DNAJC6: variants seen among roughly 807,000 people sequenced by gnomAD.
DNAJC6 encodes the protein auxilin.
A neutral mutation model predicts 110.0 loss-of-function variants in DNAJC6; 34 were observed. That is an observed-to-expected ratio of 0.31 (90% CI 0.24 to 0.41). The LOEUF is 0.41. DNAJC6 is among the 10% of genes least tolerant of loss of function. The pLI is 1.00. For missense variants in DNAJC6, 1,031 were observed against 1,207.8 expected, an observed-to-expected ratio of 0.85 and a Z score of 2.17; for synonymous variants, 406 against 437.2, an observed-to-expected ratio of 0.93 and a Z score of 0.89.
chr1:65,353,650 C>T (rs1042104532), intron 1 of DNAJC6, among the ~76,000 whole-genome samples: 6 of 152,066 alleles, frequency 3.9e-5, no homozygotes. Flanking sequence ...TCATTTTTTC[C>T]ACTCTTATCA....
upstream of DNAJC6, among the ~76,000 whole-genome samples, chr1:65,306,205 G>A (rs912873163): frequency 6.6e-6 from 1 of 151,030 alleles, no homozygotes; most frequent in Non-Finnish European, 1.5e-5. Flanking sequence ...CTGCCACCAC[G>A]CCTGGTTATT....
At chr1:65,279,028 A>G in intron 1 of DNAJC6, 8 of 985,364 alleles carry the variant, frequency 8.1e-6, no homozygotes, top group Non-Finnish European at 9.6e-6. Flanking sequence ...GCAAACCTGG[A>G]GATACTTGTT....
intron 15 of DNAJC6, among the ~76,000 whole-genome samples, chr1:65,404,503 A>G (rs1021243992): frequency 2.0e-5 from 3 of 152,218 alleles, no homozygotes; most frequent in African/African-American, 7.2e-5. Flanking sequence ...AGCATAGTAC[A>G]TGACACTTGG....
At position 65,366,104 on chromosome 1, in the gene DNAJC6, A is replaced by T; in HGVS notation, c.451A>T (p.Ile151Phe). ...AGGATTCAGGAATCAGGTTGATGACATTCGAAGCTTTTTGGATTCCAGACA... is the reference window on the plus strand; with the variant it reads ...AGGATTCAGGAATCAGGTTGATGACTTTCGAAGCTTTTTGGATTCCAGACA... ...DIGFRNQVDD[I>F]RSFLDSRHLD... The change falls in exon 4 of 19, where the codon ATT (isoleucine) becomes TTT (phenylalanine). Residue 151 changes from isoleucine (I) to phenylalanine (F), a missense_variant. By Grantham distance (21) the Ile-to-Phe change is conservative. Coordinates refer to ENST00000371069, the MANE Select transcript of DNAJC6 (RefSeq NM_001256864.2). The T allele has an allele frequency of 6.2e-7, 1 of 1,613,916 alleles. No homozygotes were observed. Among genetic ancestry groups the T allele is most frequent in the Non-Finnish European group, 8.5e-7 (1 of 1,179,838 alleles).
At chr1:65,285,840 T>A (rs1653999157) in intron 1 of DNAJC6, among the ~76,000 whole-genome samples, 1 of 151,932 alleles carries the variant, frequency 6.6e-6, no homozygotes, top group Non-Finnish European at 1.5e-5. Context: ...ACCGGCTAAT[T>A]TTTGTATTTT....
At chr1:65,289,805 CATT>C (rs771289017) in intron 1 of DNAJC6, among the ~76,000 whole-genome samples, 3 of 150,830 alleles carry the variant, frequency 2.0e-5, no homozygotes, top group Non-Finnish European at 1.5e-5. Context: ...AGCACTGTGT[CATT>C]GTTGTTTTTT....
chr1:65,273,378 C>G (rs1224939651), intron 1 of DNAJC6, among the ~76,000 whole-genome samples: 1 of 152,152 alleles, frequency 6.6e-6, no homozygotes, highest in Non-Finnish European at 1.5e-5. Context: ...GCAGGTGGAT[C>G]ACAAGGTCAG....
chr1:65,300,928 G>A (rs1415296613), intron 1 of DNAJC6, among the ~76,000 whole-genome samples: 1 of 152,116 alleles, frequency 6.6e-6, no homozygotes, highest in Non-Finnish European at 1.5e-5. Flanking sequence ...TAGGTACAAT[G>A]GGGTTGCAAA....
At chr1:65,357,954 G>A (rs1243340130) in intron 1 of DNAJC6, among the ~76,000 whole-genome samples, 6 of 152,008 alleles carry the variant, frequency 3.9e-5, no homozygotes, top group Non-Finnish European at 5.9e-5. Flanking sequence ...CGAGGCTGGC[G>A]GATCACTTTA....
At chr1:65,404,625 A>G (rs1369285137) in intron 15 of DNAJC6, among the ~76,000 whole-genome samples, 2 of 152,236 alleles carry the variant, frequency 1.3e-5, no homozygotes, top group East Asian at 3.8e-4. Context: ...TGGTAAGTCC[A>G]GTGATCATGA....
At chr1:65,354,501 G>GTT (rs1645523464) in intron 1 of DNAJC6, among the ~76,000 whole-genome samples, 1 of 152,146 alleles carries the variant, frequency 6.6e-6, no homozygotes, top group Admixed American at 6.5e-5. Context: ...TAGTGTTAAA[G>GTT]AATTTTAAAA....
chr1:65,300,261 A>G (rs1300685844), intron 1 of DNAJC6, among the ~76,000 whole-genome samples: 2 of 152,026 alleles, frequency 1.3e-5, no homozygotes, highest in African/African-American at 4.8e-5. Context: ...CTTCTATTTT[A>G]CTGTTTCATT....
At chr1:65,274,641 A>G (rs1653605789) in intron 1 of DNAJC6, among the ~76,000 whole-genome samples, 1 of 145,074 alleles carries the variant, frequency 6.9e-6, no homozygotes, top group South Asian at 2.3e-4. Context: ...TTCTATACCC[A>G]TATATGTAAT....
At chr1:65,410,277 C>A (rs1646115982) in intron 17 of DNAJC6, among the ~76,000 whole-genome samples, 1 of 152,116 alleles carries the variant, frequency 6.6e-6, no homozygotes, top group African/African-American at 2.4e-5. Context: ...AGATTTGTTG[C>A]AGATGTATAT....
intron 1 of DNAJC6, among the ~76,000 whole-genome samples, chr1:65,274,658 C>A (rs1269613136): frequency 9.1e-6 from 1 of 109,334 alleles, no homozygotes; most frequent in Non-Finnish European, 2.0e-5. Flanking sequence ...TAATCTGTAT[C>A]TTTTAGAAGC....
At chr1:65,340,772 G>C (rs1331433452) in intron 1 of DNAJC6, among the ~76,000 whole-genome samples, 2 of 152,126 alleles carry the variant, frequency 1.3e-5, no homozygotes, top group Non-Finnish European at 2.9e-5. Flanking sequence ...TTCATTTAGG[G>C]CTGTCTGTCC....
chr1:65,398,757 G>T (rs372018735), intron 13 of DNAJC6, 56 bp from the exon 14 acceptor site: 424 of 1,596,650 alleles, frequency 2.7e-4, no homozygotes, highest in Non-Finnish European at 3.5e-4. Context: ...TGTGAACTCA[G>T]AAAAGTGGGT....
chr1:65,267,366 TTC>T (rs1369831760), intron 1 of DNAJC6, among the ~76,000 whole-genome samples: 1 of 152,158 alleles, frequency 6.6e-6, no homozygotes, highest in Non-Finnish European at 1.5e-5. Context: ...TTAGACTAGA[TTC>T]CTGTTTTTCA....
At chr1:65,296,852 C>A (rs837261) in intron 1 of DNAJC6, among the ~76,000 whole-genome samples, 1 of 152,144 alleles carries the variant, frequency 6.6e-6, no homozygotes, top group African/African-American at 2.4e-5. Flanking sequence ...TCCAAAAGTG[C>A]TGGGATTACA....
Sources: gnomAD v4.1 joint callset for allele counts (sites outside exome capture counted in the v4.1 genomes callset) on GRCh38, gnomAD v4.1.1 for gene constraint, MANE v1.5 for transcripts, NCBI Gene and HGNC (gene_info 2026-07-23, HGNC 2026-07-21) for gene names.